ARHGAP8: variants seen among roughly 807,000 people sequenced by gnomAD.
ARHGAP8 encodes the protein rho GTPase-activating protein 8.
A neutral mutation model predicts 46.1 loss-of-function variants in ARHGAP8; 62 were observed. That is an observed-to-expected ratio of 1.34 (90% CI 1.10 to 1.66). ARHGAP8 has a LOEUF of 1.66. ARHGAP8 is among the 40% of genes most tolerant of loss of function. The pLI is 0.00. For missense variants in ARHGAP8, 923 were observed against 568.4 expected, an observed-to-expected ratio of 1.62 and a Z score of -6.34; for synonymous variants, 375 against 243.1, an observed-to-expected ratio of 1.54 and a Z score of -5.05.
Position 44,808,390 on chromosome 22 carries a change from A to G in ARHGAP8, c.251A>G (p.Lys84Arg). The change falls in exon 4 of 12, where the codon AAG (lysine) becomes AGG (arginine). Residue 84 changes from lysine (K) to arginine (R), a missense_variant. By Grantham distance (26) the Lys-to-Arg change is conservative. Coordinates refer to ENST00000356099, the MANE Select transcript of ARHGAP8 (RefSeq NM_181335.3). ...YFHYGLNSRN[K>R]PSLGWLQSAY... is the part of the protein sequence containing the mutation. ...CACTACGGGCTGAACAGCCGGAACA[A>G]GCCTTCCCTGGGCTGGCTCCAGAGC... 6.2e-7 allele frequency: 1 copy of G among 1,614,256 alleles called. No homozygotes were observed. The highest frequency in any genetic ancestry group is 8.5e-7 in the Non-Finnish European group (1 of 1,180,056).
intron 1 of ARHGAP8, among the ~76,000 whole-genome samples, chr22:44,758,757 T>G (rs1924893739): frequency 6.6e-6 from 1 of 152,092 alleles, no homozygotes; most frequent in African/African-American, 2.4e-5. Flanking sequence ...GGGCAGCAGG[T>G]CCAAACCACA....
Position 44,767,984 on chromosome 22 carries a change from C to CTTTTTTTTTTTTTTTTTTTTTTTTT in ARHGAP8, c.-72+15364_-72+15388dup, listed in dbSNP as rs1167255172. On this transcript the variant is annotated intron_variant, in intron 1 of 11. Transcript: ENST00000356099. ...GTCAGATTTCCTCCCCGCATGATGTCTTTTTTTTTTTTTTTTTTTTTTTTT... is the reference window on the plus strand; with the variant it reads ...GTCAGATTTCCTCCCCGCATGATGTCTTTTTTTTTTTTTTTTTTTTTTTTTTTTTTTTTTTTTTTTTTTTTTTTTT... Among the ~76,000 whole-genome samples the CTTTTTTTTTTTTTTTTTTTTTTTTT allele has an allele frequency of 1.1e-4, 5 of 47,228 alleles. 1 individual carries two copies. The highest frequency in any genetic ancestry group is 1.7e-3 in the East Asian group (2 of 1,184). The allele number at this position is 47,228 out of a possible 152,430, so 31.0% of individuals were successfully genotyped here. A position where few individuals can be genotyped will look rare whatever the true frequency, so the allele number is the denominator to read the frequency against.
At chr22:44,777,618 C>CT (rs132480) in intron 1 of ARHGAP8, among the ~76,000 whole-genome samples, 13 of 149,968 alleles carry the variant, frequency 8.7e-5, no homozygotes, top group Non-Finnish European at 8.9e-5. Context: ...TCTGCAGCTG[C>CT]TTTTTTTTTT....
chr22:44,858,224 G>A (rs561203353), intron 10 of ARHGAP8, among the ~76,000 whole-genome samples: 6 of 152,356 alleles, frequency 3.9e-5, no homozygotes, highest in African/African-American at 1.4e-4. Context: ...CTCTGTGCAA[G>A]GCTCAGTGGG....
At chr22:44,779,316 G>C (rs550298606) in intron 1 of ARHGAP8, among the ~76,000 whole-genome samples, 2 of 151,968 alleles carry the variant, frequency 1.3e-5, no homozygotes, top group East Asian at 3.9e-4. Flanking sequence ...GACCAGGCTG[G>C]TCTCGAACTC....
intron 7 of ARHGAP8, among the ~76,000 whole-genome samples, chr22:44,840,536 G>C (rs903323443): frequency 1.3e-5 from 2 of 152,138 alleles, no homozygotes; most frequent in African/African-American, 4.8e-5. Flanking sequence ...ACCATAAACA[G>C]AGTGGTTTAT....
chr22:44,803,629 A>ACACACCCCCCCCC (rs1339693402), intron 3 of ARHGAP8, among the ~76,000 whole-genome samples: 1 of 48,456 alleles, frequency 2.1e-5, no homozygotes, highest in African/African-American at 7.5e-5. Context: ...ACCACTATGC[A>ACACACCCCCCCCC]GACACCACCT....
chr22:44,848,972 C>G lies in ARHGAP8; in HGVS notation c.789C>G (p.Ile263Met). 1 of 1,614,166 alleles carries G rather than the reference C, an allele frequency of 6.2e-7. No homozygotes were observed. Among genetic ancestry groups the G allele is most frequent in the Non-Finnish European group, 8.5e-7 (1 of 1,180,046 alleles). The change falls in exon 10 of 12, where the codon ATC (isoleucine) becomes ATG (methionine). Residue 263 changes from isoleucine (I) to methionine (M), a missense_variant. Ile to Met is a conservative substitution (Grantham distance 10). Coordinates refer to ENST00000356099, the MANE Select transcript of ARHGAP8 (RefSeq NM_181335.3). ...VNFDDYGDIH[I>M]PAVILKTFLR... ...TTGACGACTACGGGGACATTCACATCCCTGCCGTGATCCTGAAGACCTTCC... is the reference window on the plus strand; with the variant it reads ...TTGACGACTACGGGGACATTCACATGCCTGCCGTGATCCTGAAGACCTTCC...
In ARHGAP8 at chr22:44,753,185, A is replaced by G. The variant is rs115516877; in HGVS notation, c.-72+558A>G. Among the ~76,000 whole-genome samples the G allele has an allele frequency of 4.4e-3, 662 of 150,686 alleles. 4 individuals are homozygous for G. The highest frequency in any genetic ancestry group is 0.014 in the African/African-American group (589 of 41,020). ...AGGGGGTGGGGGGCTGGCCGGTTCAACACACAGCGGTGGAACCCCCCGGGA... is the reference window on the plus strand; with the variant it reads ...AGGGGGTGGGGGGCTGGCCGGTTCAGCACACAGCGGTGGAACCCCCCGGGA... On this transcript the variant is annotated intron_variant, in intron 1 of 11. Transcript: ENST00000356099.
intron 1 of ARHGAP8, among the ~76,000 whole-genome samples, chr22:44,779,291 G>A (rs961765329): frequency 6.6e-6 from 1 of 151,846 alleles, no homozygotes; most frequent in Non-Finnish European, 1.5e-5. Flanking sequence ...AGTAGAGATG[G>A]GGTTTCACCA....
chr22:44,848,573 C>G (rs562539615), intron 9 of ARHGAP8, among the ~76,000 whole-genome samples: 31 of 152,340 alleles, frequency 2.0e-4, no homozygotes, highest in African/African-American at 7.2e-4. Flanking sequence ...CAGGTCTGCA[C>G]GGGGCCCAGC....
intron 7 of ARHGAP8, among the ~76,000 whole-genome samples, chr22:44,836,317 C>T (rs1292402810): frequency 6.6e-6 from 1 of 151,938 alleles, no homozygotes; most frequent in East Asian, 1.9e-4. Context: ...GTTCCTGCCT[C>T]AGCCTCCTGA....
At chr22:44,823,571 T>A (rs1178818094) in intron 6 of ARHGAP8, among the ~76,000 whole-genome samples, 1 of 151,984 alleles carries the variant, frequency 6.6e-6, no homozygotes, top group Non-Finnish European at 1.5e-5. Flanking sequence ...CTGGAGGCCA[T>A]GAGAGGATGA....
intron 7 of ARHGAP8, among the ~76,000 whole-genome samples, chr22:44,833,300 T>A (rs1254066560): frequency 6.6e-6 from 1 of 152,134 alleles, no homozygotes; most frequent in African/African-American, 2.4e-5. Context: ...GGTCTCACTA[T>A]GTTGCCCAGG....
intron 2 of ARHGAP8, chr22:44,801,743 T>C: frequency 3.4e-6 from 1 of 294,630 alleles, no homozygotes; most frequent in South Asian, 5.2e-5. Context: ...GGCTACACCC[T>C]GCCTTTGAAG....
At chr22:44,761,345 G>C (rs1210048907) in intron 1 of ARHGAP8, among the ~76,000 whole-genome samples, 2 of 152,174 alleles carry the variant, frequency 1.3e-5, no homozygotes, top group African/African-American at 2.4e-5. Context: ...CGGATTTAGT[G>C]TATTGGGAAA....
At chr22:44,842,459 AGT>A (rs1931716271) in intron 7 of ARHGAP8, among the ~76,000 whole-genome samples, 1 of 152,232 alleles carries the variant, frequency 6.6e-6, no homozygotes, top group African/African-American at 2.4e-5. Context: ...TGGATCAAAC[AGT>A]GTGACTGTTT....
rs1340048219 is a variant in ARHGAP8 at position 44,786,597 on chromosome 22, C to T, written c.70C>T (p.Gln24Ter). The change falls in exon 2 of 12, where the codon CAG becomes TAG. Residue 24 changes from glutamine (Q) to a stop codon, truncating the protein, a stop_gained. Transcript: ENST00000356099. LOFTEE classifies it high-confidence loss of function. ...CGACGTGGCCAGACATGGCATTCTG[C>T]AGGTGGCAGGTAGGGCCCCAGCTGG... The part of the protein sequence containing the change: ...FYDVARHGIL[Q>*]VAGDDRFGRR... The T allele has an allele frequency of 1.9e-6, 3 of 1,612,984 alleles. No homozygotes were observed. The highest frequency in any genetic ancestry group is 4.5e-5 in the East Asian group (2 of 44,870).
At chr22:44,802,250 C>T (rs369071557) in intron 3 of ARHGAP8, 86 bp downstream of exon 3, 2 of 1,530,284 alleles carry the variant, frequency 1.3e-6, no homozygotes, top group Admixed American at 3.6e-5. Flanking sequence ...TCTGAGTCAT[C>T]TGCTGTGGTC....
Sources: allele counts gnomAD v4.1 joint callset (sites outside exome capture counted in the v4.1 genomes callset), GRCh38; gene constraint gnomAD v4.1.1; transcripts MANE v1.5; gene names NCBI Gene and HGNC (gene_info 2026-07-23, HGNC 2026-07-21).